The following PCBP3 variants were observed in gnomAD, a reference collection of about 807,000 sequenced individuals.
PCBP3 encodes poly(rC)-binding protein 3.
In PCBP3, 25 loss-of-function variants were observed where a neutral mutation model predicts 52.7. The ratio of observed to expected loss-of-function variants is 0.47; its 90% CI spans 0.35 to 0.66. The LOEUF is 0.66. Among genes scored for constraint, PCBP3 ranks in the 30% least tolerant of loss-of-function variants. The pLI, the probability that PCBP3 is intolerant of heterozygous loss-of-function variation, is 0.01. For synonymous variants in PCBP3, 162 were observed against 183.0 expected, an observed-to-expected ratio of 0.89 and a Z score of 0.93; for missense variants, 391 against 490.3, an observed-to-expected ratio of 0.80 and a Z score of 1.91.
intron 3 of PCBP3, among the ~76,000 whole-genome samples, chr21:45,751,274 C>G (rs1010779753): frequency 3.9e-5 from 6 of 152,154 alleles, no homozygotes; most frequent in Admixed American, 3.3e-4. Flanking sequence ...TTTTTTCTTT[C>G]TCACCTAAAA....
chr21:45,817,374 C>T lies in PCBP3; in HGVS notation c.-125-32587C>T, dbSNP rs1457519629. 2.0e-5 allele frequency among the ~76,000 whole-genome samples: 3 copies of T among 152,210 alleles called. No homozygotes were observed. The highest frequency in any genetic ancestry group is 3.8e-4 in the East Asian group (2 of 5,204). ...TAGCGTGTCTGTTCACCTCATACTC[C>T]CCAGTAGTTCTGTCTCTCTCTGCCA... On this transcript the variant is annotated intron_variant, in intron 4 of 17. Transcript: ENST00000681687. The surrounding 1 kb of genome is among the most constrained non-coding windows in gnomAD (Gnocchi z 4.3).
chr21:45,767,232 C>G (rs2089428723), intron 4 of PCBP3, among the ~76,000 whole-genome samples: 1 of 152,172 alleles, frequency 6.6e-6, no homozygotes, highest in Admixed American at 6.5e-5. Flanking sequence ...CTTTCCCCAG[C>G]CCCTGGCAGC....
At chr21:45,923,414 A>C (rs1010079653) in intron 13 of PCBP3, among the ~76,000 whole-genome samples, 1 of 152,140 alleles carries the variant, frequency 6.6e-6, no homozygotes, top group African/African-American at 2.4e-5. Flanking sequence ...TTCATGAAAC[A>C]AGAGGCCCAG....
At chr21:45,897,914 C>T (rs912168679) in intron 6 of PCBP3, among the ~76,000 whole-genome samples, 9 of 152,330 alleles carry the variant, frequency 5.9e-5, no homozygotes, top group Admixed American at 4.6e-4. Context: ...CTCAGGTGTG[C>T]ACCACGAGGA....
intron 4 of PCBP3, among the ~76,000 whole-genome samples, chr21:45,785,175 C>T (rs1304247223): frequency 6.6e-6 from 1 of 151,128 alleles, no homozygotes; most frequent in Non-Finnish European, 1.5e-5. Flanking sequence ...TGAGGATCCC[C>T]TCCGCCCAGC....
chr21:45,692,147 G>C (rs143052736), intron 2 of PCBP3, among the ~76,000 whole-genome samples: 1 of 152,240 alleles, frequency 6.6e-6, no homozygotes, highest in Non-Finnish European at 1.5e-5. Flanking sequence ...GGACCTGGAA[G>C]GGTCTCAATA....
intron 4 of PCBP3, among the ~76,000 whole-genome samples, chr21:45,831,551 A>T (rs188034184): frequency 2.0e-5 from 3 of 152,322 alleles, no homozygotes; most frequent in Admixed American, 2.0e-4. Context: ...AAAGAATTTC[A>T]TAGCTTTTCA....
At chr21:45,703,172 GA>G (rs1206700689) in intron 2 of PCBP3, among the ~76,000 whole-genome samples, 4 of 152,230 alleles carry the variant, frequency 2.6e-5, no homozygotes, top group African/African-American at 7.2e-5. Context: ...GTGAGGGTTG[GA>G]ATCAACTTCT....
rs1049951276 is a variant in PCBP3, at chr21:45,928,229, C to T, written c.718-1688C>T. On this transcript the variant is annotated intron_variant, in intron 13 of 17. Transcript: ENST00000681687. The surrounding 1 kb of genome is among the most constrained non-coding windows in gnomAD (Gnocchi z 4.1). The stretch of plus-strand genomic sequence containing the variant: ...CTTGGGACAGGATGTCCCCCACAAG[C>T]TCTCCTGGCACCCTCGTCAGGGGCT... 6.6e-6 allele frequency among the ~76,000 whole-genome samples: 1 copy of T among 152,210 alleles called. No homozygotes were observed. Among genetic ancestry groups the T allele is most frequent in the Non-Finnish European group, 1.5e-5 (1 of 68,014 alleles).
chr21:45,721,295 C>T (rs1449021781), intron 2 of PCBP3, among the ~76,000 whole-genome samples: 1 of 151,876 alleles, frequency 6.6e-6, no homozygotes, highest in Non-Finnish European at 1.5e-5. Context: ...TGCCTGTAGT[C>T]CCAGCTACTC....
At chr21:45,894,250 A>G (rs2148983688) in intron 5 of PCBP3, among the ~76,000 whole-genome samples, 1 of 152,308 alleles carries the variant, frequency 6.6e-6, no homozygotes, top group East Asian at 1.9e-4. Context: ...AGAGGCTGAC[A>G]GCCTGGAGCC....
chr21:45,722,776 G>T (rs956553966), intron 2 of PCBP3, among the ~76,000 whole-genome samples: 2 of 152,034 alleles, frequency 1.3e-5, no homozygotes, highest in African/African-American at 2.4e-5. Context: ...CCAAGTGGGG[G>T]TGGATCATGA....
intron 12 of PCBP3, chr21:45,915,272 G>A (rs2073191529): frequency 6.6e-6 from 1 of 152,180 alleles, no homozygotes; most frequent in South Asian, 2.1e-4. Context: ...TGGGCAGCAG[G>A]ACATGTCCTT....
intron 4 of PCBP3, among the ~76,000 whole-genome samples, chr21:45,843,156 G>A (rs1290695826): frequency 6.6e-6 from 1 of 152,154 alleles, no homozygotes; most frequent in Non-Finnish European, 1.5e-5. Context: ...CAGCTTTCAG[G>A]GTTCTCTTCT....
intron 9 of PCBP3, among the ~76,000 whole-genome samples, chr21:45,902,199 G>A (rs866919345): frequency 2.0e-5 from 3 of 152,188 alleles, no homozygotes; most frequent in Admixed American, 1.3e-4. Flanking sequence ...GAGGGAAGCT[G>A]ACTGCCCAGA....
At chr21:45,673,331 G>A (rs1186040994) in intron 2 of PCBP3, among the ~76,000 whole-genome samples, 1 of 152,154 alleles carries the variant, frequency 6.6e-6, no homozygotes, top group African/African-American at 2.4e-5. Flanking sequence ...GTGTGGTATG[G>A]CAGTTCATCT....
In PCBP3 at chr21:45,816,064, GAT is replaced by G. The variant is rs1569262807; in HGVS notation, c.-125-33896_-125-33895del. ...AGTGAGTGGTGAGTGGTGAGTGAGT[GAT>G]GAGTGAGTGGTGAGTGATGAGTGGT... On this transcript the variant is annotated intron_variant, in intron 4 of 17. Transcript: ENST00000681687. 2.2e-3 allele frequency among the ~76,000 whole-genome samples: 225 copies of G among 100,886 alleles called. 6 individuals carry two copies. The highest frequency in any genetic ancestry group is 4.1e-3 in the South Asian group (10 of 2,462). 66.2% of individuals were successfully genotyped at this position (100,886 alleles called of 152,430 possible).
At chr21:45,757,985 C>G (rs908023456) in intron 4 of PCBP3, among the ~76,000 whole-genome samples, 11 of 152,072 alleles carry the variant, frequency 7.2e-5, no homozygotes, top group Non-Finnish European at 1.6e-4. Flanking sequence ...CTCCAGGGCT[C>G]AGCTGATTCT....
chr21:45,925,783 T>G (rs60911498), intron 13 of PCBP3, among the ~76,000 whole-genome samples: 8,643 of 152,242 alleles, frequency 0.057, 604 homozygotes, highest in African/African-American at 0.16. Flanking sequence ...AATTCAAAAT[T>G]TATACGTGCC....
Sources: allele counts gnomAD v4.1 joint callset (sites outside exome capture counted in the v4.1 genomes callset), GRCh38; gene constraint gnomAD v4.1.1; non-coding constraint Gnocchi (gnomAD v3.1); transcripts MANE v1.5; gene names NCBI Gene and HGNC (gene_info 2026-07-23, HGNC 2026-07-21).